ATRNL1: variants seen among roughly 807,000 people sequenced by gnomAD.
ATRNL1 encodes the protein attractin-like protein 1.
Under a neutral mutation model 182.7 loss-of-function variants are expected in ATRNL1, and 95 were observed. The observed-to-expected ratio is 0.52, with a 90% CI of 0.44 to 0.62. The LOEUF is 0.62. Among genes scored for constraint, ATRNL1 ranks in the 20% least tolerant of loss-of-function variants. The pLI is 0.00. For missense variants in ATRNL1, 1,471 were observed against 1,679.5 expected (o/e 0.88, Z 2.17); for synonymous variants, 576 against 568.3 (o/e 1.01, Z -0.19).
At chr10:115,749,212 C>G (rs937723964) in intron 27 of ATRNL1, among the ~76,000 whole-genome samples, 1 of 151,750 alleles carries the variant, frequency 6.6e-6, no homozygotes, top group Non-Finnish European at 1.5e-5. Context: ...GTATTTCAAC[C>G]ATCTTTTAAT....
At chr10:115,563,426 C>A (rs1555000392) in intron 26 of ATRNL1, among the ~76,000 whole-genome samples, 2 of 152,026 alleles carry the variant, frequency 1.3e-5, no homozygotes, top group South Asian at 4.1e-4. Context: ...CTCTTCCTAC[C>A]ACCACCCACC....
chr10:115,813,867 A>G (rs1950104688), intron 27 of ATRNL1, among the ~76,000 whole-genome samples: 1 of 152,148 alleles, frequency 6.6e-6, no homozygotes. Context: ...TTTCTCCTTT[A>G]ATTAAGTTTG....
Position 115,813,469 on chromosome 10 carries a change from C to G in ATRNL1, c.3904-34408C>G, listed in dbSNP as rs1476134410. ...AAGCTGAGATGATGAAAATACTGTG[C>G]TGTTGTTTTTCACTAATAGTTGCCT... On this transcript the variant is annotated intron_variant, in intron 27 of 28. Transcript: ENST00000355044. Among the ~76,000 whole-genome samples, 7 of 152,246 alleles carry G rather than the reference C, an allele frequency of 4.6e-5. No individual in the cohort carries two copies. The East Asian group carries it at 1.4e-3, about 29-fold the overall frequency.
chr10:115,676,659 C>G (rs1000933731), intron 26 of ATRNL1, among the ~76,000 whole-genome samples: 12 of 151,516 alleles, frequency 7.9e-5, no homozygotes, highest in African/African-American at 2.9e-4. Flanking sequence ...CATCTAATGT[C>G]TAATTTATGC....
chr10:115,910,668 G>A (rs1384349206), intron 28 of ATRNL1, among the ~76,000 whole-genome samples: 1 of 152,138 alleles, frequency 6.6e-6, no homozygotes, highest in Non-Finnish European at 1.5e-5. Flanking sequence ...GACTTCTCAT[G>A]AAAACATTTC....
intron 25 of ATRNL1, among the ~76,000 whole-genome samples, chr10:115,520,930 T>C (rs6585336): frequency 0.028 from 4,218 of 152,270 alleles, 226 homozygotes; most frequent in African/African-American, 0.097. Context: ...AACATATTTA[T>C]CACTAATATG....
Position 115,914,079 on chromosome 10 carries a change from A to C in ATRNL1, c.4019-30579A>C, listed in dbSNP as rs1952770017. The stretch of plus-strand genomic sequence containing the variant: ...TTCTCATGATAGTAAGTGAGTTCTC[A>C]GGAGATCTGATGGTTTTATAAGGGG... On this transcript the variant is annotated intron_variant, in intron 28 of 28. Coordinates refer to ENST00000355044, the MANE Select transcript of ATRNL1 (RefSeq NM_207303.4). Among the ~76,000 whole-genome samples the C allele has an allele frequency of 3.3e-5, 5 of 152,214 alleles. No individual in the cohort carries two copies. In the South Asian group the frequency reaches 6.2e-4, roughly 19 times the overall value.
At chr10:115,412,645 G>C (rs1554960162) in intron 20 of ATRNL1, among the ~76,000 whole-genome samples, 3 of 152,106 alleles carry the variant, frequency 2.0e-5, no homozygotes, top group African/African-American at 7.2e-5. Flanking sequence ...TTCAGACTAG[G>C]AAGGAGATTT....
At chr10:115,440,802 A>G (rs1846634392) in intron 21 of ATRNL1, among the ~76,000 whole-genome samples, 1 of 151,810 alleles carries the variant, frequency 6.6e-6, no homozygotes, top group African/African-American at 2.4e-5. Flanking sequence ...AGCTGTGTTG[A>G]CTGTTTGGTC....
At chr10:115,284,800 T>C (rs1852529531) in intron 14 of ATRNL1, among the ~76,000 whole-genome samples, 1 of 152,152 alleles carries the variant, frequency 6.6e-6, no homozygotes, top group African/African-American at 2.4e-5. Flanking sequence ...ATTGAAGACA[T>C]TTACAAAAAT....
rs1227973157 is a variant in ATRNL1 at position 115,666,413 on chromosome 10, T to C, written c.3796-60835T>C. The stretch of plus-strand genomic sequence containing the variant: ...GCTTCCTTAACACCCATTACCGTAG[T>C]TTATTGAGAGTTGGCTCGGTTGCTT... On this transcript the variant is annotated intron_variant, in intron 26 of 28. Coordinates refer to ENST00000355044, the MANE Select transcript of ATRNL1 (RefSeq NM_207303.4). Among the ~76,000 whole-genome samples the C allele has an allele frequency of 2.0e-5, 3 of 152,198 alleles. No homozygotes were observed. In the East Asian group the frequency reaches 5.8e-4, roughly 29 times the overall value.
intron 26 of ATRNL1, among the ~76,000 whole-genome samples, chr10:115,685,463 TATA>T (rs1264467605): frequency 1.3e-5 from 2 of 151,944 alleles, no homozygotes; most frequent in South Asian, 4.1e-4. Flanking sequence ...AGTTCTGGCA[TATA>T]ATAAGTATTC....
intron 18 of ATRNL1, among the ~76,000 whole-genome samples, chr10:115,320,771 T>C (rs1211449813): frequency 1.3e-5 from 2 of 152,128 alleles, no homozygotes; most frequent in Admixed American, 6.6e-5. Flanking sequence ...TCTAAACTGG[T>C]TATTCTAGTT....
intron 20 of ATRNL1, among the ~76,000 whole-genome samples, chr10:115,405,191 A>G (rs1300713685): frequency 2.0e-5 from 3 of 152,196 alleles, no homozygotes; most frequent in Non-Finnish European, 4.4e-5. Context: ...ATATCAGGGG[A>G]TGAAATAAAT....
chr10:115,591,013 T>A (rs1198690081), intron 26 of ATRNL1, among the ~76,000 whole-genome samples: 2 of 152,316 alleles, frequency 1.3e-5, no homozygotes, highest in East Asian at 3.9e-4. Flanking sequence ...CATTTGAGAA[T>A]CCGTCTTTTT....
intron 15 of ATRNL1, among the ~76,000 whole-genome samples, chr10:115,289,192 T>C (rs1034713904): frequency 1.3e-5 from 2 of 152,112 alleles, no homozygotes. Context: ...GTGAGACTTA[T>C]TCACTATCAT....
At chr10:115,626,606 CTT>C (rs1555024715) in intron 26 of ATRNL1, among the ~76,000 whole-genome samples, 1 of 152,054 alleles carries the variant, frequency 6.6e-6, no homozygotes, top group African/African-American at 2.4e-5. Context: ...TTTTGTGACT[CTT>C]AATCTACTTT....
chr10:115,451,991 G>A (rs921672166), intron 21 of ATRNL1, among the ~76,000 whole-genome samples: 26 of 152,206 alleles, frequency 1.7e-4, no homozygotes, highest in Admixed American at 7.9e-4. Flanking sequence ...ATTATCCTTA[G>A]CAAACCAATG....
intron 26 of ATRNL1, among the ~76,000 whole-genome samples, chr10:115,694,213 T>C: frequency 6.6e-6 from 1 of 151,336 alleles, no homozygotes; most frequent in East Asian, 1.9e-4. Flanking sequence ...CTTCCCACTG[T>C]ATATCAGTGT....
Sources: gnomAD v4.1 joint callset for allele counts (sites outside exome capture counted in the v4.1 genomes callset) on GRCh38, gnomAD v4.1.1 for gene constraint, MANE v1.5 for transcripts, NCBI Gene and HGNC (gene_info 2026-07-23, HGNC 2026-07-21) for gene names.